DLG5: variants seen among roughly 807,000 people sequenced by gnomAD.
DLG5 encodes discs large MAGUK scaffold protein 5.
Under a neutral mutation model 189.8 loss-of-function variants are expected in DLG5, and 48 were observed. That is an observed-to-expected ratio of 0.25 (90% confidence interval 0.20 to 0.32). DLG5 has a LOEUF of 0.32. Ranked by LOEUF, DLG5 falls within the 10% of genes least tolerant of loss-of-function variation. The pLI, the probability that DLG5 is intolerant of heterozygous loss-of-function variation, is 1.00. For synonymous variants in DLG5, 1,016 were observed against 1,054.1 expected (o/e 0.96, Z 0.70); for missense variants, 2,160 against 2,544.7 (o/e 0.85, Z 3.25).
Position 77,842,210 on chromosome 10 carries a change from C to T in DLG5, c.1125-17G>A, listed in dbSNP as rs199884368. 7.7e-4 allele frequency: 1,224 copies of T among 1,594,302 alleles called. 7 individuals carry two copies. Among genetic ancestry groups the T allele is most frequent in the South Asian group, 4.2e-3 (378 of 90,478 alleles). ...GCCTCAAACCTGGCAAGAGAGGTGG[C>T]GAGATGTGGGAAGGGCGGGGGCCCT... On this transcript the variant is annotated splice_polypyrimidine_tract_variant and intron_variant, in intron 6 of 31. Transcript: ENST00000372391.
rs79847133 is a variant in DLG5 at position 77,837,352 on chromosome 10, C to T, written c.1438-1430G>A. ...TAGTTTTAGAGCTGACACGTTACCA[C>T]GTGGATTCCCTGAAAGGTTTCTCCA... On this transcript the variant is annotated intron_variant, in intron 7 of 31. Coordinates refer to ENST00000372391, the MANE Select transcript of DLG5 (RefSeq NM_004747.4). 3.9e-3 allele frequency among the ~76,000 whole-genome samples: 598 copies of T among 152,038 alleles called. 9 individuals are homozygous for T. Among genetic ancestry groups the T allele is most frequent in the East Asian group, 0.038 (196 of 5,160 alleles).
At chr10:77,834,996 T>TCACCACCAC (rs55678010) in intron 8 of DLG5, among the ~76,000 whole-genome samples, 1 of 151,470 alleles carries the variant, frequency 6.6e-6, no homozygotes, top group Non-Finnish European at 1.5e-5. Flanking sequence ...ACCCCAAACA[T>TCACCACCAC]CACCACCACC....
upstream of DLG5, chr10:77,927,356 A>C (rs1341293655): frequency 6.6e-6 from 1 of 152,332 alleles, no homozygotes; most frequent in Non-Finnish European, 1.5e-5. Flanking sequence ...GAGGGTCCTA[A>C]TCTGAGAACT....
chr10:77,806,717 G>A (rs528552461), intron 26 of DLG5, 41 bp downstream of exon 26: 17 of 1,371,046 alleles, frequency 1.2e-5, no homozygotes, highest in East Asian at 2.3e-5. Context: ...GGCCCTCGGC[G>A]ACCCCTGCCC....
At chr10:77,878,092 C>T (rs1452147633) in intron 1 of DLG5, among the ~76,000 whole-genome samples, 3 of 152,200 alleles carry the variant, frequency 2.0e-5, no homozygotes, top group Non-Finnish European at 2.9e-5. Context: ...TGCTCTGGCC[C>T]GGTGCTCAAT....
At chr10:77,864,443 CA>C (rs1224922401) in intron 2 of DLG5, among the ~76,000 whole-genome samples, 4 of 152,186 alleles carry the variant, frequency 2.6e-5, no homozygotes, top group Non-Finnish European at 5.9e-5. Context: ...ATCAGAGCAC[CA>C]CGTCATCCTC....
chr10:77,809,625 C>T lies in DLG5; in HGVS notation c.4569G>A (p.Gly1523=). 2 of 1,614,226 alleles carry T rather than the reference C, an allele frequency of 1.2e-6. No homozygotes were observed. The highest frequency in any genetic ancestry group is 1.7e-6 in the Non-Finnish European group (2 of 1,180,038). ...CATCCTCCACCTCGGCCACAAACACCCCATGCAGGTTCCCACCACACAAGT... is the reference window on the plus strand; with the variant it reads ...CATCCTCCACCTCGGCCACAAACACTCCATGCAGGTTCCCACCACACAAGT... ...GVHLCGGNLH[G]VFVAEVEDDS... Residue 1523 remains glycine, a synonymous_variant, in exon 24 of 32, where the codon GGG becomes GGA. Transcript: ENST00000372391.
chr10:77,885,824 G>A (rs1845419694), intron 1 of DLG5, among the ~76,000 whole-genome samples: 1 of 152,254 alleles, frequency 6.6e-6, no homozygotes, highest in South Asian at 2.1e-4. Flanking sequence ...GTTCAGAGGG[G>A]GCGTGACTGA....
At chr10:77,911,202 C>A (rs1293637441) in intron 1 of DLG5, among the ~76,000 whole-genome samples, 1 of 152,042 alleles carries the variant, frequency 6.6e-6, no homozygotes, top group African/African-American at 2.4e-5. Context: ...AATCTCAGCT[C>A]ATGCAACCTC....
At chr10:77,902,521 T>C (rs1353022202) in intron 1 of DLG5, among the ~76,000 whole-genome samples, 1 of 152,100 alleles carries the variant, frequency 6.6e-6, no homozygotes, top group Non-Finnish European at 1.5e-5. Flanking sequence ...CAAGAAGAAC[T>C]GGTGACATAA....
chr10:77,794,231 G>A (rs1282586499), intron 30 of DLG5, 114 bp from the exon 31 acceptor site: 6 of 839,262 alleles, frequency 7.1e-6, no homozygotes, highest in Non-Finnish European at 9.8e-6. Context: ...TGTGGAGGGA[G>A]GCCCCATGTG....
chr10:77,827,879 A>G (rs1320852876), intron 13 of DLG5, among the ~76,000 whole-genome samples: 1 of 152,210 alleles, frequency 6.6e-6, no homozygotes, highest in Non-Finnish European at 1.5e-5. Context: ...ATCTAGGTAT[A>G]TATAGATTTG....
At chr10:77,835,950 G>A (rs1222722632) in intron 7 of DLG5, 28 bp from the exon 8 acceptor site, 2 of 1,594,132 alleles carry the variant, frequency 1.3e-6, no homozygotes, top group South Asian at 2.2e-5. Context: ...CAGGAAGAGG[G>A]AGAGGTTGCT....
At chr10:77,846,868 G>A (rs961266584) in intron 5 of DLG5, 17 of 384,274 alleles carry the variant, frequency 4.4e-5, no homozygotes, top group Admixed American at 2.3e-4. Context: ...CTCCTGCAGC[G>A]GCTTCCCGCC....
intron 26 of DLG5, 150 bp from the exon 27 acceptor site, chr10:77,806,011 GCCCC>G: frequency 1.4e-6 from 1 of 722,184 alleles, no homozygotes; most frequent in Non-Finnish European, 2.2e-6. Flanking sequence ...CTCCTCCCAC[GCCCC>G]TGGGAACCCT....
intron 2 of DLG5, among the ~76,000 whole-genome samples, chr10:77,859,188 G>C (rs1485447596): frequency 2.6e-5 from 4 of 152,144 alleles, no homozygotes; most frequent in Admixed American, 2.6e-4. Flanking sequence ...ATGTGTTTGT[G>C]TTTTAAGCTA....
At chr10:77,837,230 A>T (rs1843187975) in intron 7 of DLG5, among the ~76,000 whole-genome samples, 1 of 151,860 alleles carries the variant, frequency 6.6e-6, no homozygotes. Flanking sequence ...AAAAAAAAAA[A>T]AAAAAAAAAA....
At chr10:77,873,375 C>T (rs1844982171) in intron 1 of DLG5, among the ~76,000 whole-genome samples, 1 of 152,180 alleles carries the variant, frequency 6.6e-6, no homozygotes, top group African/African-American at 2.4e-5. Flanking sequence ...GAAGCTGCAG[C>T]CAAAACCCTG....
At chr10:77,919,509 A>C (rs1269165916) in intron 1 of DLG5, among the ~76,000 whole-genome samples, 5 of 151,032 alleles carry the variant, frequency 3.3e-5, no homozygotes, top group African/African-American at 1.2e-4. Flanking sequence ...GAAAAAAAAA[A>C]AACAAGCACC....
Sources: gnomAD v4.1 joint callset for allele counts (sites outside exome capture counted in the v4.1 genomes callset) on GRCh38, gnomAD v4.1.1 for gene constraint, MANE v1.5 for transcripts, NCBI Gene and HGNC (gene_info 2026-07-23, HGNC 2026-07-21) for gene names.